The following SNX20 variants were observed in gnomAD, a reference collection of about 807,000 sequenced individuals.
SNX20 encodes sorting nexin 20.
In SNX20, 21 loss-of-function variants were observed where a neutral mutation model predicts 24.5. The ratio of observed to expected loss-of-function variants is 0.86; its 90% CI spans 0.61 to 1.23. The LOEUF is 1.23. Among genes scored for constraint, SNX20 ranks in the 50% most tolerant of loss-of-function variants. The probability of loss-of-function intolerance (pLI) is 0.00; values close to 1 mark genes in which losing one functional copy is unlikely to be tolerated. For synonymous variants in SNX20, 206 were observed against 192.8 expected (o/e 1.07, Z -0.57); for missense variants, 433 against 430.8 (o/e 1.00, Z -0.04).
At chr16:50,668,318 CA>C, downstream of SNX20, 1 of 1,316,838 alleles carries the variant, frequency 7.6e-7, no homozygotes, top group South Asian at 1.6e-5. Context: ...TTGGTGATTG[CA>C]GGTCTCTAAT....
chr16:50,678,591 A>C (rs1386855826), intron 1 of SNX20, among the ~76,000 whole-genome samples: 1 of 152,232 alleles, frequency 6.6e-6, no homozygotes, highest in Admixed American at 6.5e-5. Flanking sequence ...TGAGACTTAG[A>C]GTTGCCAAAG....
At position 50,673,548 on chromosome 16, in the gene SNX20, A is replaced by G. The variant is rs368454557; in HGVS notation, c.809T>C (p.Leu270Pro). The G allele has an allele frequency of 2.5e-5, 41 of 1,608,506 alleles. No individual in the cohort carries two copies. Among genetic ancestry groups the G allele is most frequent in the Non-Finnish European group, 3.3e-5 (39 of 1,179,078 alleles). Reference sequence around the variant, plus strand: ...GTAGGCCAGGCGGACCATGGCGTCCAGCAGAGGCGCATAGTAGCGATGGCC... The same window carrying G: ...GTAGGCCAGGCGGACCATGGCGTCCGGCAGAGGCGCATAGTAGCGATGGCC... ...REGHRYYAPL[L>P]DAMVRLAYAL... The change falls in exon 4 of 4, where the codon CTG becomes CCG. Residue 270 changes from leucine (L) to proline (P), a missense_variant. By Grantham distance (98) the Leu-to-Pro change is moderately conservative. Transcript: ENST00000330943. The surrounding 1 kb of genome is among the most constrained non-coding windows in gnomAD (Gnocchi z 4.1).
At chr16:50,677,254 C>T in intron 2 of SNX20, 143 bp downstream of exon 2, 1 of 1,103,130 alleles carries the variant, frequency 9.1e-7, no homozygotes, top group South Asian at 1.9e-5. Context: ...TGCACTAGAT[C>T]TGTGTCTCAG....
intron 2 of SNX20, 49 bp from the exon 3 acceptor site, chr16:50,675,970 G>C (rs370013157): frequency 1.2e-5 from 18 of 1,543,266 alleles, no homozygotes; most frequent in African/African-American, 2.8e-5. Context: ...GTGCACTTCC[G>C]AGGCATGGGC....
At position 50,673,453 on chromosome 16, in the gene SNX20, G is replaced by C. The variant is rs990098618; in HGVS notation, c.904C>G (p.Arg302Gly). Residue 302 changes from arginine (R) to glycine (G), a missense_variant, in exon 4 of 4, where the codon CGA (arginine) becomes GGA (glycine). Transcript: ENST00000330943. This position sits in a 1 kb window ranked among gnomAD's most constrained non-coding sequence, Gnocchi z 4.1. ...EESQLRRPTPRGITLKELTVR... is the reference protein window; with the variant it reads ...EESQLRRPTPGGITLKELTVR... ...GTGAGCTCCTTCAGGGTGATGCCTC[G>C]GGGCGTGGGCCTCCGGAGCTGGCTC... 23 of 1,595,012 alleles carry C rather than the reference G, an allele frequency of 1.4e-5. No individual in the cohort carries two copies. Among genetic ancestry groups the C allele is most frequent in the Non-Finnish European group, 1.9e-5 (22 of 1,171,826 alleles).
chr16:50,675,849 T>A lies in SNX20; in HGVS notation c.203A>T (p.Lys68Ile). The change falls in exon 3 of 4, where the codon AAA (lysine) becomes ATA (isoleucine). Residue 68 changes from lysine to isoleucine, a missense_variant. Lys to Ile is a moderately radical substitution (Grantham distance 102). Coordinates refer to ENST00000330943, the MANE Select transcript of SNX20 (RefSeq NM_182854.4). ...RELQQYWQNQ[K>I]CRWKHVKLLF... is the part of the protein sequence containing the mutation. ...CAGTTTGACGTGCTTCCAGCGGCAT[T>A]TCTGGTTCTGCCAGTACTGCTGAAG... 1 of 1,613,660 alleles carries A rather than the reference T, an allele frequency of 6.2e-7. No individual in the cohort carries two copies. The highest frequency in any genetic ancestry group is 8.5e-7 in the Non-Finnish European group (1 of 1,179,822).
intron 3 of SNX20, among the ~76,000 whole-genome samples, chr16:50,675,338 C>G (rs1963157048): frequency 6.6e-6 from 1 of 152,230 alleles, no homozygotes; most frequent in African/African-American, 2.4e-5. Context: ...TAGTATGTTA[C>G]TTTTGCTTTG....
intron 2 of SNX20, 108 bp from the exon 3 acceptor site, chr16:50,676,029 A>G (rs1963174983): frequency 8.2e-7 from 1 of 1,223,814 alleles, no homozygotes; most frequent in Admixed American, 3.0e-5. Context: ...GAACTCCTGA[A>G]GAGTATTGAA....
chr16:50,673,645 G>C lies in SNX20; in HGVS notation c.712C>G (p.Arg238Gly), dbSNP rs1249647304. 1 of 1,530,220 alleles carries C rather than the reference G, an allele frequency of 6.5e-7. No homozygotes were observed. The highest frequency in any genetic ancestry group is 1.2e-5 in the South Asian group (1 of 83,396). 94.8% of individuals were successfully genotyped at this position (1,530,220 alleles called of 1,614,324 possible). A position where few individuals can be genotyped will look rare whatever the true frequency, so the allele number is the denominator to read the frequency against. Residue 238 changes from arginine (R) to glycine (G), a missense_variant, in exon 4 of 4, where the codon CGC becomes GGC. Coordinates refer to ENST00000330943, the MANE Select transcript of SNX20 (RefSeq NM_182854.4). This position sits in a 1 kb window ranked among gnomAD's most constrained non-coding sequence, Gnocchi z 4.1. Reference sequence around the variant, plus strand: ...GCCTCGGCGGGGCGGTCGAGGTCGCGGTGGCACAGCAGCACGGCGCACAGG... The same window carrying C: ...GCCTCGGCGGGGCGGTCGAGGTCGCCGTGGCACAGCAGCACGGCGCACAGG... ...PALCAVLLCHRDLDRPAEAFA... is the reference protein window; with the variant it reads ...PALCAVLLCHGDLDRPAEAFA...
intron 1 of SNX20, among the ~76,000 whole-genome samples, chr16:50,677,979 G>GA (rs1228346182): frequency 1.3e-5 from 2 of 152,114 alleles, no homozygotes; most frequent in South Asian, 2.1e-4. Flanking sequence ...GGCTGGGTTA[G>GA]AAGGATCACT....
downstream of SNX20, chr16:50,668,354 C>G (rs73575709): frequency 0.011 from 13,160 of 1,148,534 alleles, 1,171 homozygotes; most frequent in African/African-American, 0.19. Flanking sequence ...CTCTGTCTCT[C>G]TCTCTTTTAA....
chr16:50,668,130 A>C (rs1488753058), downstream of SNX20: 25 of 1,549,048 alleles, frequency 1.6e-5, no homozygotes, highest in Non-Finnish European at 2.2e-5. Context: ...TGAACACTCG[A>C]GTTGGTGACC....
intron 1 of SNX20, 131 bp from the exon 2 acceptor site, chr16:50,677,666 C>T (rs908736766): frequency 9.9e-7 from 1 of 1,005,678 alleles, no homozygotes. Context: ...CACGGCTCAA[C>T]CTTCCCCACT....
downstream of SNX20, chr16:50,671,220 A>G (rs1054839545): frequency 6.6e-6 from 1 of 151,860 alleles, no homozygotes; most frequent in Admixed American, 6.6e-5. Context: ...AGCCCCAGGG[A>G]AGACCTAAAG....
At position 50,673,276 on chromosome 16, in the gene SNX20, G is replaced by A. The variant is rs899031904; in HGVS notation, c.*130C>T. ...TAATTGAGCCACTGCACTTCAGTCT[G>A]GGTGACAGAGCAAGACTGTCTCAAA... On this transcript the variant is annotated 3_prime_UTR_variant, in exon 4 of 4. Transcript: ENST00000330943. This position sits in a 1 kb window ranked among gnomAD's most constrained non-coding sequence, Gnocchi z 4.1. The A allele has an allele frequency of 7.6e-7, 1 of 1,317,512 alleles. No homozygotes were observed. Among genetic ancestry groups the A allele is most frequent in the African/African-American group, 1.5e-5 (1 of 65,434 alleles). The allele number at this position is 1,317,512 out of a possible 1,614,324, so 81.6% of individuals were successfully genotyped here.
chr16:50,673,865 G>A lies in SNX20; in HGVS notation c.492C>T (p.Tyr164=). 1.2e-6 allele frequency: 2 copies of A among 1,606,236 alleles called. No homozygotes were observed. The highest frequency in any genetic ancestry group is 1.7e-6 in the Non-Finnish European group (2 of 1,179,526). The change falls in exon 4 of 4, where the codon TAC becomes TAT. Residue 164 remains tyrosine (Y), a synonymous_variant. Coordinates refer to ENST00000330943, the MANE Select transcript of SNX20 (RefSeq NM_182854.4). The surrounding 1 kb of genome is among the most constrained non-coding windows in gnomAD (Gnocchi z 4.1). ...AGCGGATGGCGTAGAGCAGGCCCAG[G>A]TACTCCTGCAGGGCGCGCCGACGCT... is the stretch of plus-strand genomic sequence containing the variant. The part of the protein sequence containing the change: ...ICERRRALQE[Y]LGLLYAIRCV...
chr16:50,670,452 G>T (rs147945366), downstream of SNX20: 1 of 152,240 alleles, frequency 6.6e-6, no homozygotes, highest in Non-Finnish European at 1.5e-5. Flanking sequence ...GGGTATGGAG[G>T]TCAGGTACCC....
chr16:50,677,586 G>A lies in SNX20; in HGVS notation c.-9-51C>T, dbSNP rs916343701. Reference sequence around the variant, plus strand: ...AGGACCCACTCCAGTTGGGGTTCCCGGTGGCTCCTGGGGTGCCTAGGAGCT... The same window carrying A: ...AGGACCCACTCCAGTTGGGGTTCCCAGTGGCTCCTGGGGTGCCTAGGAGCT... On this transcript the variant is annotated intron_variant, in intron 1 of 3. Coordinates refer to ENST00000330943, the MANE Select transcript of SNX20 (RefSeq NM_182854.4). 1.1e-5 allele frequency: 16 copies of A among 1,444,440 alleles called. No homozygotes were observed. In the African/African-American group the frequency reaches 1.6e-4, roughly 14 times the overall value. The allele number at this position is 1,444,440 out of a possible 1,614,324, so 89.5% of individuals were successfully genotyped here.
At chr16:50,674,122 C>T in intron 3 of SNX20, 48 bp from the exon 4 acceptor site, 2 of 1,536,274 alleles carry the variant, frequency 1.3e-6, no homozygotes, top group Non-Finnish European at 1.7e-6. Context: ...GCGGGGGCTG[C>T]GGCGGACGGA....
Sources: allele counts gnomAD v4.1 joint callset (sites outside exome capture counted in the v4.1 genomes callset), GRCh38; gene constraint gnomAD v4.1.1; non-coding constraint Gnocchi (gnomAD v3.1); transcripts MANE v1.5; gene names NCBI Gene and HGNC (gene_info 2026-07-23, HGNC 2026-07-21).